RECQL4: variants seen among roughly 807,000 people sequenced by gnomAD.
RECQL4 encodes RecQ like helicase 4.
RECQL4 carries 158 observed loss-of-function variants against 128.6 expected under a neutral mutation model. The observed-to-expected ratio is 1.23, with a 90% confidence interval of 1.08 to 1.40. The LOEUF (loss-of-function observed/expected upper bound fraction) is 1.40. RECQL4 is among the 40% of genes most tolerant of loss of function. RECQL4 has a pLI of 0.00. For missense variants in RECQL4, 2,293 were observed against 1,649.8 expected (o/e 1.39, Z -6.75); for synonymous variants, 996 against 678.9 (o/e 1.47, Z -7.26).
At position 144,515,851 on chromosome 8, in the gene RECQL4, CA is replaced by C. The variant is rs1564804363; in HGVS notation, c.1170del (p.Phe390LeufsTer16). 8 of 1,613,006 alleles carry C rather than the reference CA, an allele frequency of 5.0e-6. No individual in the cohort carries two copies. The South Asian group carries it at 8.8e-5, about 18-fold the overall frequency. On this transcript the variant is annotated frameshift_variant, in exon 6 of 21. Transcript: ENST00000617875. LOFTEE classifies it high-confidence loss of function. ...GTTGTGACTGTGGCACCACCACCCC[CA>C]AAACACTCCCCTTTCTTCCGCCACT... ...KQKWRKKGECFGGGGATVTTK... is the reference protein window; with the variant it reads ...KQKWRKKGECXGGGGATVTTK...
rs1447984125 is a variant in RECQL4 at position 144,513,218 on chromosome 8, C to T, written c.2463G>A (p.Gln821=). 18 of 1,574,622 alleles carry T rather than the reference C, an allele frequency of 1.1e-5. No homozygotes were observed. The highest frequency in any genetic ancestry group is 1.5e-5 in the Non-Finnish European group (17 of 1,164,596). The change falls in exon 14 of 21, where the codon CAG becomes CAA. Residue 821 remains glutamine (Q), a splice_region_variant and synonymous_variant. Transcript: ENST00000617875. ...CAGTGTGGGGGGGGGGGGTGCCAAC[C>T]TGGGGCTGCAGGAAGAGGTGGCAGT... ...PAHCHLFLQP[Q]GEDLRELRRH...
chr8:144,515,314 C>T lies in RECQL4; in HGVS notation c.1390+12G>A. 1 of 1,612,204 alleles carries T rather than the reference C, an allele frequency of 6.2e-7. No individual in the cohort carries two copies. The highest frequency in any genetic ancestry group is 1.1e-5 in the South Asian group (1 of 90,992). Reference sequence around the variant, plus strand: ...CTCAGTGAAGGCTCTGGGCCAGAAGCTGACTGCTCACCTGCCAACTGCCCT... The same window carrying T: ...CTCAGTGAAGGCTCTGGGCCAGAAGTTGACTGCTCACCTGCCAACTGCCCT... On this transcript the variant is annotated intron_variant, in intron 7 of 20. Transcript: ENST00000617875.
At position 144,517,100 on chromosome 8, in the gene RECQL4, C is replaced by T. The variant is rs377536752; in HGVS notation, c.304G>A (p.Val102Met). 33 of 1,612,338 alleles carry T rather than the reference C, an allele frequency of 2.0e-5. No individual in the cohort carries two copies. The highest frequency in any genetic ancestry group is 2.5e-5 in the Non-Finnish European group (29 of 1,179,764). Residue 102 changes from valine to methionine, a missense_variant, in exon 4 of 21, where the codon GTG becomes ATG. Coordinates refer to ENST00000617875, the MANE Select transcript of RECQL4 (RefSeq NM_004260.4). ...STPGRSRQGSVPDYGQRLKAN... is the reference protein window; with the variant it reads ...STPGRSRQGSMPDYGQRLKAN... ...TTGAGCCGCTGCCCGTAGTCCGGCA[C>T]CGAGCCCTGGCGGCTCCGCCCTGGC...
rs1384614294 is a variant in RECQL4 at position 144,516,044 on chromosome 8, T to C, written c.1075A>G (p.Lys359Glu). Residue 359 changes from lysine (K) to glutamate (E), a missense_variant, in exon 5 of 21, where the codon AAG becomes GAG. By Grantham distance (56) the Lys-to-Glu change is moderately conservative. Coordinates refer to ENST00000617875, the MANE Select transcript of RECQL4 (RefSeq NM_004260.4). ...DRGNYVRLNM[K>E]QKHYVRGRAL... Reference sequence around the variant, plus strand: ...CGGCCCCGCACGTAGTGTTTCTGCTTCATGTTGAGCCGTACGTAATTGCCC... The same window carrying C: ...CGGCCCCGCACGTAGTGTTTCTGCTCCATGTTGAGCCGTACGTAATTGCCC... The C allele has an allele frequency of 6.2e-7, 1 of 1,612,270 alleles. No homozygotes were observed. The highest frequency in any genetic ancestry group is 8.5e-7 in the Non-Finnish European group (1 of 1,179,548).
At chr8:144,514,557 C>G in intron 9 of RECQL4, 32 bp from the exon 10 acceptor site, 1 of 1,595,512 alleles carries the variant, frequency 6.3e-7, no homozygotes, top group South Asian at 1.1e-5. Context: ...CCGTCATACG[C>G]CAGCCCAGCC....
chr8:144,514,804 T>C, intron 9 of RECQL4, 132 bp downstream of exon 9: 2 of 1,169,240 alleles, frequency 1.7e-6, no homozygotes. Flanking sequence ...CTGCCAAGAC[T>C]GGGACTGAGG....
Position 144,516,975 on chromosome 8 carries a change from A to G in RECQL4, c.354+75T>C, listed in dbSNP as rs977698171. On this transcript the variant is annotated intron_variant, in intron 4 of 20. Coordinates refer to ENST00000617875, the MANE Select transcript of RECQL4 (RefSeq NM_004260.4). ...GGGGCCCGTGCCTGTCTGTGTGGAA[A>G]AAATGACAAGAGGGCGACCCGGACC... is the stretch of plus-strand genomic sequence containing the variant. 5.1e-5 allele frequency: 78 copies of G among 1,542,944 alleles called. 1 individual carries two copies. The highest frequency in any genetic ancestry group is 4.4e-6 in the Non-Finnish European group (5 of 1,140,974).
chr8:144,513,791 C>CCTGTGCG lies in RECQL4; in HGVS notation c.2059-80_2059-79insCGCACAG, dbSNP rs1554899024. On this transcript the variant is annotated intron_variant, in intron 12 of 20. Coordinates refer to ENST00000617875, the MANE Select transcript of RECQL4 (RefSeq NM_004260.4). ...GCAGTGGGGAGTGAGGAGGGGTCGG[C>CCTGTGCG]GTGGGGAGTGAGGAGGGGTCGGCGT... The CCTGTGCG allele has an allele frequency of 1.7e-4, 71 of 418,232 alleles. 1 individual carries two copies. In the East Asian group the frequency reaches 1.9e-3, roughly 11 times the overall value. The allele number at this position is 418,232 out of a possible 1,614,324, so 25.9% of individuals were successfully genotyped here. A position where few individuals can be genotyped will look rare whatever the true frequency, so the allele number is the denominator to read the frequency against.
rs1422097192 is a variant in RECQL4, at chr8:144,515,881, G to C, written c.1141C>G (p.Gln381Glu). ...CACTCCCCTTTCTTCCGCCACTTCTGCTTCCATGCCTGGGGGGTGCCCACA... is the reference window on the plus strand; with the variant it reads ...CACTCCCCTTTCTTCCGCCACTTCTCCTTCCATGCCTGGGGGGTGCCCACA... ...SRLLRKQAWK[Q>E]KWRKKGECFG... is the part of the protein sequence containing the mutation. Residue 381 changes from glutamine (Q) to glutamate (E), a missense_variant, in exon 6 of 21, where the codon CAG (glutamine) becomes GAG (glutamate). By Grantham distance (29) the Gln-to-Glu change is conservative. Transcript: ENST00000617875. 1 of 1,612,934 alleles carries C rather than the reference G, an allele frequency of 6.2e-7. No homozygotes were observed. The highest frequency in any genetic ancestry group is 8.5e-7 in the Non-Finnish European group (1 of 1,179,812).
In RECQL4 at chr8:144,515,843, A is replaced by C. The variant is rs916996999; in HGVS notation, c.1179T>G (p.Gly393=). ...WRKKGECFGG[G]GATVTTKESC... is the part of the protein sequence containing the mutation. ...ACTCCTTGGTTGTGACTGTGGCACC[A>C]CCACCCCCAAAACACTCCCCTTTCT... is the stretch of plus-strand genomic sequence containing the variant. The change falls in exon 6 of 21, where the codon GGT becomes GGG. Residue 393 remains glycine (G), a synonymous_variant. Transcript: ENST00000617875. The C allele has an allele frequency of 1.2e-6, 2 of 1,612,608 alleles. No homozygotes were observed. The highest frequency in any genetic ancestry group is 1.7e-6 in the Non-Finnish European group (2 of 1,179,778).
rs2130684742 is a variant in RECQL4 at position 144,513,706 on chromosome 8, A to G, written c.2065T>C (p.Leu689=). The G allele has an allele frequency of 6.5e-7, 1 of 1,536,264 alleles. No homozygotes were observed. The highest frequency in any genetic ancestry group is 1.2e-5 in the South Asian group (1 of 83,642). The change falls in exon 13 of 21, where the codon TTG becomes CTG. Residue 689 remains leucine (L), a synonymous_variant. Transcript: ENST00000617875. ...AAACGTTTGCCTTGCAGCAGCGTCA[A>G]CAGTGCCTGATGAGGAGCGGTTGGC... ...SMDRDTDQAL[L]TLLQGKRFQN...
chr8:144,513,720 G>A lies in RECQL4; in HGVS notation c.2059-8C>T, dbSNP rs777819705. Reference sequence around the variant, plus strand: ...CAGCAGCGTCAACAGTGCCTGATGAGGAGCGGTTGGCGTGGGCAGTGGGGA... The same window carrying A: ...CAGCAGCGTCAACAGTGCCTGATGAAGAGCGGTTGGCGTGGGCAGTGGGGA... On this transcript the variant is annotated splice_polypyrimidine_tract_variant and splice_region_variant and intron_variant, in intron 12 of 20. Coordinates refer to ENST00000617875, the MANE Select transcript of RECQL4 (RefSeq NM_004260.4). 40 of 1,546,876 alleles carry A rather than the reference G, an allele frequency of 2.6e-5. No individual in the cohort carries two copies. The highest frequency in any genetic ancestry group is 2.5e-5 in the Non-Finnish European group (29 of 1,145,936).
chr8:144,517,208 G>A lies in RECQL4; in HGVS notation c.214-18C>T, dbSNP rs748051491. 1.8e-5 allele frequency: 29 copies of A among 1,585,868 alleles called. No individual in the cohort carries two copies. Among genetic ancestry groups the A allele is most frequent in the East Asian group, 2.3e-5 (1 of 43,692 alleles). On this transcript the variant is annotated intron_variant, in intron 3 of 20. Transcript: ENST00000617875. Reference sequence around the variant, plus strand: ...TCTGGCGCCTGCAGGAGACAACAGGGGCACAGGCCAGAAAAGGCTGTTGTG... The same window carrying A: ...TCTGGCGCCTGCAGGAGACAACAGGAGCACAGGCCAGAAAAGGCTGTTGTG...
At chr8:144,512,356 A>T (rs1238691276) in intron 17 of RECQL4, 32 bp from the exon 18 acceptor site, 1 of 1,611,014 alleles carries the variant, frequency 6.2e-7, no homozygotes, top group Admixed American at 1.7e-5. Context: ...GCAGGCAGGC[A>T]GCGTCCAGGG....
chr8:144,513,239 G>A lies in RECQL4; in HGVS notation c.2442C>T (p.Cys814=), dbSNP rs2130676427. ...RAGRDGQPAH[C]HLFLQPQGED... is the part of the protein sequence containing the mutation. ...CAACCTGGGGCTGCAGGAAGAGGTGGCAGTGGGCAGGCTGCCCGTCACGCC... is the reference window on the plus strand; with the variant it reads ...CAACCTGGGGCTGCAGGAAGAGGTGACAGTGGGCAGGCTGCCCGTCACGCC... Residue 814 remains cysteine, a synonymous_variant, in exon 14 of 21, where the codon TGC becomes TGT. Transcript: ENST00000617875. The A allele has an allele frequency of 6.3e-7, 1 of 1,585,918 alleles. No homozygotes were observed. Among genetic ancestry groups the A allele is most frequent in the South Asian group, 1.1e-5 (1 of 90,260 alleles).
intron 9 of RECQL4, 94 bp from the exon 10 acceptor site, chr8:144,514,619 C>T (rs1827879382): frequency 1.5e-6 from 2 of 1,318,696 alleles, no homozygotes; most frequent in African/African-American, 2.9e-5. Flanking sequence ...ATCCTAGTCC[C>T]TCAGGGGAGA....
Position 144,514,988 on chromosome 8 carries a change from C to G in RECQL4, c.1568G>C (p.Ser523Thr), listed in dbSNP as rs754735053. Reference protein sequence around the residue: ...QLPALLYSRRSPCLTLVVSPL... With the variant: ...QLPALLYSRRTPCLTLVVSPL... ...AGAGACGACCAACGTGAGGCAGGGG[C>G]TGCGCCGGCTGTAGAGCAGCGCTGG... is the stretch of plus-strand genomic sequence containing the variant. The change falls in exon 9 of 21, where the codon AGC becomes ACC. Residue 523 changes from serine to threonine, a missense_variant. Coordinates refer to ENST00000617875, the MANE Select transcript of RECQL4 (RefSeq NM_004260.4). 4.0e-4 allele frequency: 649 copies of G among 1,611,634 alleles called. No individual in the cohort carries two copies. The highest frequency in any genetic ancestry group is 4.9e-4 in the Non-Finnish European group (580 of 1,179,504).
chr8:144,514,590 C>G, intron 9 of RECQL4, 65 bp from the exon 10 acceptor site: 11 of 1,498,874 alleles, frequency 7.3e-6, no homozygotes, highest in Non-Finnish European at 1.0e-5. Context: ...CAAGTCATCC[C>G]AGAGCTGCTG....
rs377398995 is a variant in RECQL4 at position 144,514,297 on chromosome 8, G to A, written c.1770C>T (p.Leu590=). ...CTGGAGGCAGCTGTGCGGCTGGAGG[G>A]AGGCCTCCCGCCCCCACCAGTGCCT... ...TPEALVGAGG[L]PPAAQLPPVA... Residue 590 remains leucine, a synonymous_variant, in exon 11 of 21, where the codon CTC becomes CTT. Coordinates refer to ENST00000617875, the MANE Select transcript of RECQL4 (RefSeq NM_004260.4). 1.2e-6 allele frequency: 2 copies of A among 1,610,792 alleles called. No individual in the cohort carries two copies. The highest frequency in any genetic ancestry group is 1.3e-5 in the African/African-American group (1 of 74,880).
Sources: allele counts gnomAD v4.1 joint callset, GRCh38; gene constraint gnomAD v4.1.1; transcripts MANE v1.5; gene names NCBI Gene and HGNC (gene_info 2026-07-23, HGNC 2026-07-21).